SUMF1: variants seen among roughly 807,000 people sequenced by gnomAD.
SUMF1 encodes the protein formylglycine-generating enzyme.
A neutral mutation model predicts 47.6 loss-of-function variants in SUMF1; 48 were observed. That is an observed-to-expected ratio of 1.01 (90% CI 0.80 to 1.28). The LOEUF is 1.28. Ranked by LOEUF, SUMF1 falls within the 50% of genes most tolerant of loss-of-function variation. SUMF1 has a pLI of 0.00. For synonymous variants in SUMF1, 230 were observed against 192.1 expected, an observed-to-expected ratio of 1.20 and a Z score of -1.63; for missense variants, 571 against 485.4, an observed-to-expected ratio of 1.18 and a Z score of -1.66.
At chr3:4,183,154 A>C (rs1695132270) in intron 8 of SUMF1, among the ~76,000 whole-genome samples, 1 of 152,210 alleles carries the variant, frequency 6.6e-6, no homozygotes, top group Non-Finnish European at 1.5e-5. Context: ...GAGATTAGAA[A>C]CTAAAAGCTT....
intron 8 of SUMF1, among the ~76,000 whole-genome samples, chr3:4,159,400 CA>C (rs1246549726): frequency 6.7e-6 from 1 of 148,636 alleles, no homozygotes; most frequent in East Asian, 1.9e-4. Flanking sequence ...ATTGCATAAA[CA>C]AACTAACAAA....
At chr3:4,112,903 A>C (rs780754406) in intron 8 of SUMF1, among the ~76,000 whole-genome samples, 2 of 152,134 alleles carry the variant, frequency 1.3e-5, no homozygotes, top group Non-Finnish European at 2.9e-5. Context: ...ATCTGAATTG[A>C]TCTTGTTTGT....
Position 4,228,238 on chromosome 3 carries a change from T to G in SUMF1, c.1014+148092A>C, listed in dbSNP as rs114548893. 2.6e-3 allele frequency among the ~76,000 whole-genome samples: 403 copies of G among 152,194 alleles called. 3 individuals carry two copies. Among genetic ancestry groups the G allele is most frequent in the African/African-American group, 9.2e-3 (384 of 41,544 alleles). ...TTCAGTGAAAATAACTTTATTTAAG[T>G]CAAAATTAATTTTCCTAGACACCTG... On this transcript the variant is annotated intron_variant and NMD_transcript_variant, in intron 8 of 12. Transcript: ENST00000448413.
chr3:4,437,234 A>G (rs1006213623), intron 3 of SUMF1, among the ~76,000 whole-genome samples: 1 of 152,226 alleles, frequency 6.6e-6, no homozygotes, highest in Non-Finnish European at 1.5e-5. Flanking sequence ...AATTAGAATG[A>G]AAGAGTGGAC....
intron 8 of SUMF1, among the ~76,000 whole-genome samples, chr3:4,081,702 G>T (rs1029410394): frequency 6.6e-6 from 1 of 152,150 alleles, no homozygotes; most frequent in Non-Finnish European, 1.5e-5. Context: ...GGTTATGAGT[G>T]ATAACTTGGA....
chr3:4,390,140 G>A (rs571224337), intron 7 of SUMF1, among the ~76,000 whole-genome samples: 11 of 152,338 alleles, frequency 7.2e-5, no homozygotes, highest in African/African-American at 2.6e-4. Flanking sequence ...GAGAGAAGGT[G>A]TGATCCTGTT....
At chr3:4,045,953 A>T (rs1233785311) in intron 9 of SUMF1, among the ~76,000 whole-genome samples, 3 of 152,174 alleles carry the variant, frequency 2.0e-5, no homozygotes, top group Non-Finnish European at 4.4e-5. Context: ...CAGAAGGCTG[A>T]GGCAAGAGGA....
chr3:4,361,973 G>C lies in SUMF1; in HGVS notation c.*171C>G. The C allele has an allele frequency of 1.6e-6, 1 of 637,042 alleles. No individual in the cohort carries two copies. Among genetic ancestry groups the C allele is most frequent in the South Asian group, 1.8e-5 (1 of 55,696 alleles). 39.5% of individuals were successfully genotyped at this position (637,042 alleles called of 1,614,324 possible). A position where few individuals can be genotyped will look rare whatever the true frequency, so the allele number is the denominator to read the frequency against. On this transcript the variant is annotated 3_prime_UTR_variant, in exon 9 of 9. Coordinates refer to ENST00000272902, the MANE Select transcript of SUMF1 (RefSeq NM_182760.4). ...CACCACACCATAAAGCACATGCACT[G>C]ACCCAGGTCAGCAATTTGGTCTCAC... is the stretch of plus-strand genomic sequence containing the variant.
rs575086032 is a variant in SUMF1, at chr3:4,406,134, C to T, written c.954+4731G>A. Among the ~76,000 whole-genome samples the T allele has an allele frequency of 2.0e-5, 3 of 152,066 alleles. No homozygotes were observed. The South Asian group carries it at 6.2e-4, about 32-fold the overall frequency. ...GTAAGCAATATTATAATTAGATAGC[C>T]AAAACATAATATAAACAAAAACAGT... On this transcript the variant is annotated intron_variant, in intron 7 of 8. Transcript: ENST00000272902.
intron 8 of SUMF1, among the ~76,000 whole-genome samples, chr3:4,193,410 GA>G (rs1695363010): frequency 6.6e-6 from 1 of 152,000 alleles, no homozygotes; most frequent in African/African-American, 2.4e-5. Flanking sequence ...GGGATCATAA[GA>G]ATGCCTGAAT....
intron 8 of SUMF1, among the ~76,000 whole-genome samples, chr3:4,214,932 G>A (rs1695884963): frequency 6.6e-6 from 1 of 152,050 alleles, no homozygotes; most frequent in Non-Finnish European, 1.5e-5. Flanking sequence ...AAAGTTCCGG[G>A]ACCATATGGA....
chr3:4,126,654 C>T (rs1693660915), intron 8 of SUMF1, among the ~76,000 whole-genome samples: 1 of 152,080 alleles, frequency 6.6e-6, no homozygotes, highest in Admixed American at 6.6e-5. Context: ...AACCACTTTT[C>T]AGGAAGAACT....
chr3:4,116,424 C>T (rs957719749), intron 8 of SUMF1, among the ~76,000 whole-genome samples: 1 of 151,896 alleles, frequency 6.6e-6, no homozygotes, highest in African/African-American at 2.4e-5. Context: ...CCCATAGAAA[C>T]CCTAAATTTT....
At chr3:4,303,045 AC>A (rs1698011829) in intron 8 of SUMF1, among the ~76,000 whole-genome samples, 2 of 152,232 alleles carry the variant, frequency 1.3e-5, no homozygotes, top group South Asian at 4.1e-4. Flanking sequence ...CCTCCACTCC[AC>A]AAACGTGCAG....
At chr3:4,246,031 C>T (rs1696659892) in intron 8 of SUMF1, among the ~76,000 whole-genome samples, 1 of 152,182 alleles carries the variant, frequency 6.6e-6, no homozygotes, top group Non-Finnish European at 1.5e-5. Context: ...GCACTAGCAG[C>T]GAGCAAGGCT....
intron 8 of SUMF1, among the ~76,000 whole-genome samples, chr3:4,311,235 A>G (rs1698392900): frequency 6.6e-6 from 1 of 152,132 alleles, no homozygotes; most frequent in South Asian, 2.1e-4. Context: ...TTTGCACTTA[A>G]CTACATAGCT....
chr3:4,379,840 C>CAAAAAAAAA (rs58264459), intron 7 of SUMF1, among the ~76,000 whole-genome samples: 1 of 76,888 alleles, frequency 1.3e-5, no homozygotes, highest in Non-Finnish European at 2.4e-5. Context: ...GCCTCCATCT[C>CAAAAAAAAA]AAAAAAAAAA....
chr3:4,362,020 G>T lies in SUMF1; in HGVS notation c.*124C>A. The T allele has an allele frequency of 1.1e-6, 1 of 896,710 alleles. No homozygotes were observed. Among genetic ancestry groups the T allele is most frequent in the Non-Finnish European group, 1.8e-6 (1 of 561,650 alleles). The allele number at this position is 896,710 out of a possible 1,614,324, so 55.5% of individuals were successfully genotyped here. A position where few individuals can be genotyped will look rare whatever the true frequency, so the allele number is the denominator to read the frequency against. On this transcript the variant is annotated 3_prime_UTR_variant, in exon 9 of 9. Transcript: ENST00000272902. Reference sequence around the variant, plus strand: ...TCACAAGGCGGTTCCTTTGGCCATTGGGCAGGTATGTAACCCACCTCAGGG... The same window carrying T: ...TCACAAGGCGGTTCCTTTGGCCATTTGGCAGGTATGTAACCCACCTCAGGG...
At chr3:4,456,446 T>A (rs2079600743) in intron 1 of SUMF1, among the ~76,000 whole-genome samples, 1 of 136,642 alleles carries the variant, frequency 7.3e-6, no homozygotes, top group Non-Finnish European at 1.6e-5. Flanking sequence ...GATGCCATGT[T>A]TTTCTTTGTT....
Sources: gnomAD v4.1 joint callset for allele counts (sites outside exome capture counted in the v4.1 genomes callset) on GRCh38, gnomAD v4.1.1 for gene constraint, MANE v1.5 for transcripts, NCBI Gene and HGNC (gene_info 2026-07-23, HGNC 2026-07-21) for gene names.